The following AUH variants were observed in gnomAD, a reference collection of about 807,000 sequenced individuals.
AUH encodes AU RNA binding methylglutaconyl-CoA hydratase.
A neutral mutation model predicts 42.3 loss-of-function variants in AUH; 29 were observed. That is an observed-to-expected ratio of 0.69 (90% CI 0.51 to 0.93). The LOEUF (loss-of-function observed/expected upper bound fraction) is 0.93, where lower values mean the gene tolerates loss of function less well. AUH is among the 40% of genes least tolerant of loss of function. AUH has a pLI of 0.00. For missense variants in AUH, 452 were observed against 438.1 expected (o/e 1.03, Z -0.28); for synonymous variants, 174 against 166.4 (o/e 1.05, Z -0.35).
intron 6 of AUH, among the ~76,000 whole-genome samples, chr9:91,249,229 T>C (rs1397574): frequency 0.5 from 71,718 of 144,740 alleles, 19,741 homozygotes; most frequent in African/African-American, 0.76. Context: ...CCTGGGAGAT[T>C]GAGGCTGCAG....
At chr9:91,270,016 T>C (rs1232617693) in intron 6 of AUH, among the ~76,000 whole-genome samples, 2 of 152,160 alleles carry the variant, frequency 1.3e-5, no homozygotes, top group Non-Finnish European at 2.9e-5. Context: ...TCAAACTCTA[T>C]CAAGTGAGCC....
At chr9:91,252,525 C>G (rs545821630) in intron 6 of AUH, among the ~76,000 whole-genome samples, 1 of 152,108 alleles carries the variant, frequency 6.6e-6, no homozygotes, top group Non-Finnish European at 1.5e-5. Flanking sequence ...GCAGTGTGAC[C>G]ACATCCATCA....
chr9:91,302,786 A>T (rs927572114), intron 4 of AUH, among the ~76,000 whole-genome samples: 2 of 152,218 alleles, frequency 1.3e-5, no homozygotes, highest in African/African-American at 2.4e-5. Flanking sequence ...AGGAAAAAAA[A>T]TGTTAATAAT....
intron 3 of AUH, among the ~76,000 whole-genome samples, chr9:91,340,357 G>C (rs1831017116): frequency 6.6e-6 from 1 of 151,988 alleles, no homozygotes; most frequent in Admixed American, 6.5e-5. Flanking sequence ...TCACAAAAAG[G>C]TAACAAACAT....
At chr9:91,246,912 AAGCAGCGGAGCCATGCC>A (rs1215837426) in intron 6 of AUH, among the ~76,000 whole-genome samples, 15 of 152,288 alleles carry the variant, frequency 9.8e-5, no homozygotes, top group Admixed American at 6.5e-4. Flanking sequence ...CATCATGCCT[AAGCAGCGGAGCCATGCC>A]AGCAGCGGAG....
intron 6 of AUH, among the ~76,000 whole-genome samples, chr9:91,223,254 A>G (rs1827238202): frequency 6.6e-6 from 1 of 152,352 alleles, no homozygotes; most frequent in Admixed American, 6.5e-5. Flanking sequence ...TGCATCCAGG[A>G]CTTGATCTTT....
At position 91,323,885 on chromosome 9, in the gene AUH, A is replaced by G. The variant is rs552589395; in HGVS notation, c.505+1433T>C. 2.0e-5 allele frequency among the ~76,000 whole-genome samples: 3 copies of G among 152,282 alleles called. No individual in the cohort carries two copies. In the South Asian group the frequency reaches 6.2e-4, roughly 32 times the overall value. Reference sequence around the variant, plus strand: ...ATAAAAATGTCAAAATTTTCTTAACAAAATTTATAAAATTCCAATCACAGT... The same window carrying G: ...ATAAAAATGTCAAAATTTTCTTAACGAAATTTATAAAATTCCAATCACAGT... On this transcript the variant is annotated intron_variant, in intron 4 of 9. Transcript: ENST00000375731.
intron 4 of AUH, among the ~76,000 whole-genome samples, chr9:91,322,801 T>A (rs1165509523): frequency 1.3e-5 from 2 of 152,196 alleles, no homozygotes; most frequent in African/African-American, 4.8e-5. Context: ...AGCAATATAT[T>A]TTAAAAACCA....
chr9:91,290,796 C>G (rs1261650471), intron 6 of AUH, among the ~76,000 whole-genome samples: 1 of 152,128 alleles, frequency 6.6e-6, no homozygotes, highest in African/African-American at 2.4e-5. Flanking sequence ...TTTTCATAAT[C>G]AAGTCACAGT....
chr9:91,275,290 A>G (rs963734652), intron 6 of AUH, among the ~76,000 whole-genome samples: 3 of 152,218 alleles, frequency 2.0e-5, no homozygotes, highest in African/African-American at 7.2e-5. Context: ...ACCACGGAGC[A>G]ACAGGTGAGG....
At chr9:91,350,652 G>C (rs1461243843) in intron 3 of AUH, among the ~76,000 whole-genome samples, 1 of 151,768 alleles carries the variant, frequency 6.6e-6, no homozygotes, top group Admixed American at 6.6e-5. Context: ...CCAGCTACTC[G>C]GGAGGCTGAG....
intron 3 of AUH, among the ~76,000 whole-genome samples, chr9:91,353,820 C>CAAA (rs56842895): frequency 1.1e-4 from 3 of 27,646 alleles, no homozygotes; most frequent in African/African-American, 2.3e-4. Context: ...GACTCCGTCT[C>CAAA]AAAAAAAAAA....
intron 6 of AUH, among the ~76,000 whole-genome samples, chr9:91,279,162 G>T (rs1241284219): frequency 6.6e-6 from 1 of 151,914 alleles, no homozygotes. Flanking sequence ...AAAAATTATC[G>T]CAAACAACCA....
intron 8 of AUH, among the ~76,000 whole-genome samples, chr9:91,216,948 C>T (rs77744922): frequency 0.031 from 4,744 of 152,312 alleles, 267 homozygotes; most frequent in African/African-American, 0.11. Flanking sequence ...GCTAAAAATG[C>T]ACAGAATGCC....
At chr9:91,325,133 AATT>A (rs1386777190) in intron 4 of AUH, among the ~76,000 whole-genome samples, 182 bp downstream of exon 4, 2 of 152,116 alleles carry the variant, frequency 1.3e-5, no homozygotes, top group African/African-American at 4.8e-5. Context: ...AGACATCTGT[AATT>A]ATTAAATATT....
intron 4 of AUH, among the ~76,000 whole-genome samples, chr9:91,313,636 C>T (rs1828887990): frequency 7.2e-6 from 1 of 138,724 alleles, no homozygotes; most frequent in South Asian, 2.5e-4. Flanking sequence ...ACCCGGGAGG[C>T]GGAGCTTGCA....
intron 4 of AUH, among the ~76,000 whole-genome samples, chr9:91,313,953 A>G (rs1253587666): frequency 2.0e-5 from 3 of 151,018 alleles, no homozygotes; most frequent in Admixed American, 6.6e-5. Context: ...CCTCCTGAGT[A>G]GCTGGGATTA....
intron 3 of AUH, among the ~76,000 whole-genome samples, chr9:91,332,832 G>A (rs1044426107): frequency 6.6e-6 from 1 of 152,214 alleles, no homozygotes; most frequent in Admixed American, 6.5e-5. Context: ...AAATGGGGGC[G>A]TGAGCATGGC....
chr9:91,236,942 A>C (rs990628397), intron 6 of AUH, among the ~76,000 whole-genome samples: 9 of 152,148 alleles, frequency 5.9e-5, no homozygotes, highest in African/African-American at 9.7e-5. Context: ...AGGAAAAAAA[A>C]CCCCATAAAC....
Sources: allele counts gnomAD v4.1 joint callset (sites outside exome capture counted in the v4.1 genomes callset), GRCh38; gene constraint gnomAD v4.1.1; transcripts MANE v1.5; gene names NCBI Gene and HGNC (gene_info 2026-07-23, HGNC 2026-07-21).